MYLK3: variants seen among roughly 807,000 people sequenced by gnomAD.
MYLK3 encodes MLC kinase.
MYLK3 carries 55 observed loss-of-function variants against 76.3 expected under a neutral mutation model. The observed-to-expected ratio is 0.72, with a 90% confidence interval of 0.58 to 0.90. The LOEUF (loss-of-function observed/expected upper bound fraction) is 0.90. Among genes scored for constraint, MYLK3 ranks in the 40% least tolerant of loss-of-function variants. The pLI is 0.00. For missense variants in MYLK3, 973 were observed against 1,053.6 expected, an observed-to-expected ratio of 0.92 and a Z score of 1.06; for synonymous variants, 416 against 425.4, an observed-to-expected ratio of 0.98 and a Z score of 0.27.
chr16:46,756,589 T>A (rs1389153256), intron 1 of MYLK3, among the ~76,000 whole-genome samples: 1 of 152,248 alleles, frequency 6.6e-6, no homozygotes, highest in Non-Finnish European at 1.5e-5. Context: ...ACAGTCGTGT[T>A]GCAGCGTGTA....
chr16:46,737,620 A>G, intron 3 of MYLK3, 91 bp downstream of exon 3: 2 of 1,257,368 alleles, frequency 1.6e-6, no homozygotes, highest in Non-Finnish European at 2.2e-6. Flanking sequence ...GCCCAGGAAC[A>G]TGTATGCAGT....
intron 1 of MYLK3, among the ~76,000 whole-genome samples, chr16:46,754,594 G>T (rs901527106): frequency 2.0e-5 from 3 of 152,140 alleles, no homozygotes; most frequent in Admixed American, 2.0e-4. Context: ...CAGCAAGAAG[G>T]TCCTCACCAG....
intron 11 of MYLK3, 148 bp from the exon 12 acceptor site, chr16:46,709,819 G>T: frequency 1.0e-6 from 1 of 953,724 alleles, no homozygotes; most frequent in Middle Eastern, 2.3e-4. Context: ...GGAACTCCTT[G>T]TGTCTAAAAT....
At chr16:46,739,705 C>T (rs1028925893) in intron 2 of MYLK3, among the ~76,000 whole-genome samples, 1 of 152,194 alleles carries the variant, frequency 6.6e-6, no homozygotes, top group Non-Finnish European at 1.5e-5. Context: ...ATTTAACAAG[C>T]ATGTGTTAAT....
At chr16:46,733,439 T>A (rs906773654) in intron 3 of MYLK3, among the ~76,000 whole-genome samples, 2 of 152,232 alleles carry the variant, frequency 1.3e-5, no homozygotes, top group Non-Finnish European at 2.9e-5. Context: ...AAGAGCTGGC[T>A]GTGCTGGGCC....
chr16:46,751,505 C>A (rs981637916), upstream of MYLK3, among the ~76,000 whole-genome samples: 3 of 152,232 alleles, frequency 2.0e-5, no homozygotes, highest in African/African-American at 7.2e-5. Context: ...AAGGTGGCTG[C>A]GGCTGGAAGC....
intron 8 of MYLK3, among the ~76,000 whole-genome samples, chr16:46,723,949 T>C (rs574107402): frequency 2.6e-5 from 4 of 152,310 alleles, no homozygotes; most frequent in African/African-American, 9.6e-5. Flanking sequence ...GTGCCCAGAC[T>C]TTAACACTTT....
chr16:46,738,221 C>A, intron 2 of MYLK3, 78 bp from the exon 3 acceptor site: 1 of 1,275,612 alleles, frequency 7.8e-7, no homozygotes, highest in Non-Finnish European at 1.1e-6. Flanking sequence ...GGAATCTGCA[C>A]AAGGCCATTC....
upstream of MYLK3, chr16:46,748,362 A>G: frequency 7.9e-7 from 1 of 1,267,484 alleles, no homozygotes; most frequent in South Asian, 1.7e-5. This position sits in a 1 kb window ranked among gnomAD's most constrained non-coding sequence, Gnocchi z 4.3. Context: ...GCAGAGGCCC[A>G]GGTTCTTCCT....
chr16:46,730,576 G>A lies in MYLK3; in HGVS notation c.1568+17C>T, dbSNP rs1240985331. 14 of 1,608,816 alleles carry A rather than the reference G, an allele frequency of 8.7e-6. No homozygotes were observed. Among genetic ancestry groups the A allele is most frequent in the Non-Finnish European group, 1.1e-5 (13 of 1,175,434 alleles). On this transcript the variant is annotated intron_variant, in intron 5 of 12. Coordinates refer to ENST00000394809, the MANE Select transcript of MYLK3 (RefSeq NM_182493.3). ...CTCCTGCTCTAAGCCCCCCAACCAA[G>A]GCAGATGCCCACCTACCCTCCCAAG...
In MYLK3 at chr16:46,712,632, G is replaced by A; in HGVS notation, c.2114+16C>T. ...ACCCCTGTCCCCACTTCAGAGCCAG[G>A]GTGCTAAGCACTCACAGCATGTAGG... On this transcript the variant is annotated intron_variant, in intron 10 of 12. Transcript: ENST00000394809. The A allele has an allele frequency of 6.9e-7, 1 of 1,439,508 alleles. No homozygotes were observed. The highest frequency in any genetic ancestry group is 9.2e-7 in the Non-Finnish European group (1 of 1,088,714). 89.2% of individuals were successfully genotyped at this position (1,439,508 alleles called of 1,614,324 possible).
Position 46,747,738 on chromosome 16 carries a change from G to A in MYLK3, c.456C>T (p.Ser152=), listed in dbSNP as rs749993886. 1 of 1,613,854 alleles carries A rather than the reference G, an allele frequency of 6.2e-7. No individual in the cohort carries two copies. The highest frequency in any genetic ancestry group is 1.1e-5 in the South Asian group (1 of 91,060). The stretch of plus-strand genomic sequence containing the variant: ...CAACCTCCTCAGGGCTGTCACCTGG[G>A]CTGCCTCTCCTCCAGGGCACACGCC... ...MQGRVPWRRG[S]PGDSPEENKE... is the part of the protein sequence containing the mutation. The change falls in exon 1 of 13, where the codon AGC becomes AGT. Residue 152 remains serine, a synonymous_variant. Coordinates refer to ENST00000394809, the MANE Select transcript of MYLK3 (RefSeq NM_182493.3).
rs1230696642 is a variant in MYLK3 at position 46,748,208 on chromosome 16, G to A, written c.-15C>T. The A allele has an allele frequency of 1.2e-6, 2 of 1,606,440 alleles. No homozygotes were observed. Among genetic ancestry groups the A allele is most frequent in the Non-Finnish European group, 1.7e-6 (2 of 1,175,788 alleles). The stretch of plus-strand genomic sequence containing the variant: ...GTTCCTGACATGCTGGTGCAGGCTT[G>A]ACAAGGGCAAGAGCGGGGAATGAGG... On this transcript the variant is annotated 5_prime_UTR_variant, in exon 1 of 13. Coordinates refer to ENST00000394809, the MANE Select transcript of MYLK3 (RefSeq NM_182493.3). This position sits in a 1 kb window ranked among gnomAD's most constrained non-coding sequence, Gnocchi z 4.3.
intron 1 of MYLK3, among the ~76,000 whole-genome samples, chr16:46,756,204 C>T (rs1440557694): frequency 6.6e-6 from 1 of 152,140 alleles, no homozygotes. Flanking sequence ...GCCACCTCGC[C>T]CAGCCCAGAG....
At position 46,748,286 on chromosome 16, in the gene MYLK3, GTCC is replaced by G. The variant is rs990935242; in HGVS notation, c.-96_-94del. On this transcript the variant is annotated 5_prime_UTR_variant, in exon 1 of 13. Coordinates refer to ENST00000394809, the MANE Select transcript of MYLK3 (RefSeq NM_182493.3). This position sits in a 1 kb window ranked among gnomAD's most constrained non-coding sequence, Gnocchi z 4.3. ...AGGCGGTGGTGTCTGCAAGGTCATT[GTCC>G]TCCGTAGCTGACAGACTCCTGGCAG... The G allele has an allele frequency of 6.1e-6, 9 of 1,474,916 alleles. No homozygotes were observed. In the African/African-American group the frequency reaches 1.3e-4, roughly 21 times the overall value. The allele number at this position is 1,474,916 out of a possible 1,614,324, so 91.4% of individuals were successfully genotyped here.
rs1966600817 is a variant in MYLK3, at chr16:46,703,910, T to C, written c.*3794A>G. On this transcript the variant is annotated 3_prime_UTR_variant, in exon 13 of 13. Transcript: ENST00000394809. ...TGGCTAGTGCAACTGCAGAACTGAA[T>C]TTCTAATTTTATTTAATTTTAATAC... is the stretch of plus-strand genomic sequence containing the variant. The C allele has an allele frequency of 6.5e-6, 1 of 153,814 alleles. No individual in the cohort carries two copies. The highest frequency in any genetic ancestry group is 1.5e-5 in the Non-Finnish European group (1 of 68,052). 9.5% of individuals were successfully genotyped at this position (153,814 alleles called of 1,614,324 possible). A position where few individuals can be genotyped will look rare whatever the true frequency, so the allele number is the denominator to read the frequency against.
intron 1 of MYLK3, among the ~76,000 whole-genome samples, chr16:46,743,382 G>A (rs765366034): frequency 2.0e-5 from 3 of 152,190 alleles, no homozygotes; most frequent in Non-Finnish European, 4.4e-5. Flanking sequence ...AATGCACGGC[G>A]TTCAGCACTG....
At chr16:46,714,264 C>A (rs1966714814) in intron 9 of MYLK3, among the ~76,000 whole-genome samples, 1 of 152,092 alleles carries the variant, frequency 6.6e-6, no homozygotes, top group Non-Finnish European at 1.5e-5. Flanking sequence ...GATTATTGTC[C>A]CCATTTTATA....
intron 9 of MYLK3, among the ~76,000 whole-genome samples, chr16:46,713,653 C>T (rs900657245): frequency 1.1e-4 from 16 of 152,210 alleles, no homozygotes; most frequent in African/African-American, 3.6e-4. Flanking sequence ...TAACTATAAT[C>T]ACCATGTTGT....
Sources: gnomAD v4.1 joint callset for allele counts (sites outside exome capture counted in the v4.1 genomes callset) on GRCh38, gnomAD v4.1.1 for gene constraint, Gnocchi (gnomAD v3.1) non-coding constraint, MANE v1.5 for transcripts, NCBI Gene and HGNC (gene_info 2026-07-23, HGNC 2026-07-21) for gene names.